Variants in CCDC40 observed in about 807,000 individuals in gnomAD.
CCDC40 encodes the protein coiled-coil domain 40 molecular ruler complex subunit.
In CCDC40, 104 loss-of-function variants were observed where a neutral mutation model predicts 124.5. The observed-to-expected ratio is 0.84, with a 90% CI of 0.71 to 0.98. CCDC40 has a LOEUF of 0.98. CCDC40 is among the 50% of genes least tolerant of loss of function. The pLI is 0.00. For synonymous variants in CCDC40, 580 were observed against 602.9 expected (o/e 0.96, Z 0.56); for missense variants, 1,463 against 1,503.9 (o/e 0.97, Z 0.45).
In CCDC40 at chr17:80,088,204, A is replaced by G. The variant is rs189081816; in HGVS notation, c.2711+102A>G. On this transcript the variant is annotated intron_variant, in intron 16 of 19. Coordinates refer to ENST00000397545, the MANE Select transcript of CCDC40 (RefSeq NM_017950.4). ...TAGGAGGCCAGGTGTGGCAGCTCACACCCATATCCCAGTGCTTTGGTCATT... is the reference window on the plus strand; with the variant it reads ...TAGGAGGCCAGGTGTGGCAGCTCACGCCCATATCCCAGTGCTTTGGTCATT... 1.4e-5 allele frequency: 11 copies of G among 784,516 alleles called. No individual in the cohort carries two copies. In the African/African-American group the frequency reaches 1.5e-4, roughly 11 times the overall value. The allele number at this position is 784,516 out of a possible 1,614,324, so 48.6% of individuals were successfully genotyped here. A position where few individuals can be genotyped will look rare whatever the true frequency, so the allele number is the denominator to read the frequency against.
chr17:80,067,453 G>A, intron 10 of CCDC40: 1 of 763,316 alleles, frequency 1.3e-6, no homozygotes, highest in Non-Finnish European at 2.2e-6. Context: ...TTGCTCCGTG[G>A]GAGCACACCA....
At chr17:80,083,201 C>T (rs1227697715) in intron 12 of CCDC40, among the ~76,000 whole-genome samples, 1 of 151,214 alleles carries the variant, frequency 6.6e-6, no homozygotes, top group Non-Finnish European at 1.5e-5. Context: ...AGCCATAGCC[C>T]CTGCAGGGCA....
intron 9 of CCDC40, among the ~76,000 whole-genome samples, chr17:80,060,752 A>C (rs957891130): frequency 3.9e-5 from 6 of 152,212 alleles, no homozygotes; most frequent in Non-Finnish European, 7.3e-5. Context: ...TAGACAGGCA[A>C]GACATTGAAG....
At chr17:80,062,702 C>T (rs976026123) in intron 9 of CCDC40, among the ~76,000 whole-genome samples, 1 of 152,122 alleles carries the variant, frequency 6.6e-6, no homozygotes, top group Admixed American at 6.6e-5. Flanking sequence ...ACCTCAGCCT[C>T]TCAAGTAGGT....
intron 12 of CCDC40, 98 bp downstream of exon 12, chr17:80,082,156 G>T: frequency 9.9e-7 from 1 of 1,013,534 alleles, no homozygotes; most frequent in South Asian, 1.3e-5. Context: ...GAGTCAGTGT[G>T]AGCAGAGGGC....
Position 80,066,593 on chromosome 17 carries a change from T to C in CCDC40, c.1562+987T>C, listed in dbSNP as rs1453906729. ...CAAGATGGTGAAACCCCGTCTCTACTAAAAATACAAAAATTAGCCAGGCAT... is the reference window on the plus strand; with the variant it reads ...CAAGATGGTGAAACCCCGTCTCTACCAAAAATACAAAAATTAGCCAGGCAT... On this transcript the variant is annotated intron_variant, in intron 10 of 19. Coordinates refer to ENST00000397545, the MANE Select transcript of CCDC40 (RefSeq NM_017950.4). This position sits in a 1 kb window ranked among gnomAD's most constrained non-coding sequence, Gnocchi z 4.4. The C allele has an allele frequency of 1.2e-5, 2 of 173,414 alleles. No homozygotes were observed. The highest frequency in any genetic ancestry group is 1.2e-4 in the Admixed American group (2 of 16,938). 10.7% of individuals were successfully genotyped at this position (173,414 alleles called of 1,614,324 possible). A position where few individuals can be genotyped will look rare whatever the true frequency, so the allele number is the denominator to read the frequency against.
At chr17:80,071,219 C>T (rs1169757432) in intron 10 of CCDC40, among the ~76,000 whole-genome samples, 1 of 152,214 alleles carries the variant, frequency 6.6e-6, no homozygotes, top group African/African-American at 2.4e-5. Context: ...GCCAAAAGCA[C>T]CCGTGCTCTT....
Position 80,077,050 on chromosome 17 carries a change from T to C in CCDC40, c.1563-4496T>C, listed in dbSNP as rs147547716. Among the ~76,000 whole-genome samples the C allele has an allele frequency of 1.8e-3, 268 of 152,184 alleles. 1 individual carries two copies. The highest frequency in any genetic ancestry group is 3.0e-3 in the Non-Finnish European group (202 of 67,996). ...CACGCCCAGCCTAAAGTAAGTACATTCTTTAGACATGATGCTATTGCACGC... is the reference window on the plus strand; with the variant it reads ...CACGCCCAGCCTAAAGTAAGTACATCCTTTAGACATGATGCTATTGCACGC... On this transcript the variant is annotated intron_variant, in intron 10 of 19. Coordinates refer to ENST00000397545, the MANE Select transcript of CCDC40 (RefSeq NM_017950.4).
Position 80,036,998 on chromosome 17 carries a change from C to T in CCDC40, c.29+307C>T, listed in dbSNP as rs967917466. On this transcript the variant is annotated intron_variant, in intron 1 of 19. Coordinates refer to ENST00000397545, the MANE Select transcript of CCDC40 (RefSeq NM_017950.4). ...CCGGGACCGCTCACTCTGCAGTCAC[C>T]ATGGCAACCACTCTGCGTGGCGGTC... is the stretch of plus-strand genomic sequence containing the variant. Among the ~76,000 whole-genome samples the T allele has an allele frequency of 4.0e-4, 61 of 152,318 alleles. 1 individual carries two copies. Among genetic ancestry groups the T allele is most frequent in the African/African-American group, 1.4e-3 (59 of 41,580 alleles).
At chr17:80,095,212 A>C (rs556796756) in intron 17 of CCDC40, 51 bp from the exon 18 acceptor site, 1 of 1,566,358 alleles carries the variant, frequency 6.4e-7, no homozygotes, top group East Asian at 2.2e-5. Flanking sequence ...CTCTCTCTGC[A>C]GCTGCAGCTC....
intron 13 of CCDC40, 142 bp from the exon 14 acceptor site, chr17:80,085,861 G>A (rs2038576004): frequency 4.1e-6 from 3 of 735,600 alleles, no homozygotes; most frequent in Non-Finnish European, 7.3e-6. Flanking sequence ...GTAGAGACGG[G>A]GTTTCACCCT....
intron 10 of CCDC40, among the ~76,000 whole-genome samples, chr17:80,072,793 G>A (rs997669396): frequency 3.3e-5 from 5 of 152,082 alleles, no homozygotes; most frequent in Non-Finnish European, 7.4e-5. Context: ...CCCTTGCACG[G>A]ATACATCAGA....
intron 17 of CCDC40, chr17:80,090,107 G>C (rs2038672175): frequency 2.6e-6 from 4 of 1,536,450 alleles, no homozygotes; most frequent in South Asian, 1.2e-5. Flanking sequence ...CCTTGACCCA[G>C]CTTTTACCAC....
At chr17:80,081,050 A>G (rs1171495212) in intron 10 of CCDC40, among the ~76,000 whole-genome samples, 1 of 152,142 alleles carries the variant, frequency 6.6e-6, no homozygotes. Flanking sequence ...GTGCCAATCT[A>G]TCCATAAAAA....
intron 5 of CCDC40, 116 bp downstream of exon 5, chr17:80,048,877 G>A (rs974709580): frequency 1.2e-5 from 11 of 929,702 alleles, no homozygotes; most frequent in Admixed American, 4.0e-5. Flanking sequence ...CTTGTATCTC[G>A]CCTGTTCACT....
rs573011276 is a variant in CCDC40 at position 80,040,022 on chromosome 17, T to C, written c.304T>C (p.Ser102Pro). 1.2e-6 allele frequency: 2 copies of C among 1,614,132 alleles called. No homozygotes were observed. Among genetic ancestry groups the C allele is most frequent in the South Asian group, 2.2e-5 (2 of 91,082 alleles). The change falls in exon 3 of 20, where the codon TCC becomes CCC. Residue 102 changes from serine to proline, a missense_variant. Physicochemically the swap from Ser to Pro is moderately conservative, Grantham distance 74. Transcript: ENST00000397545. ...EEEYYYTETS[S>P]PEGQISAADT... is the part of the protein sequence containing the mutation. ...GGAATATTACTATACAGAAACTTCA[T>C]CCCCGGAAGGGCAAATCAGTGCTGC...
chr17:80,043,754 G>A (rs1000951580), intron 3 of CCDC40, among the ~76,000 whole-genome samples: 2 of 151,598 alleles, frequency 1.3e-5, no homozygotes, highest in Non-Finnish European at 2.9e-5. Flanking sequence ...CCTGGGCTCA[G>A]TCAATCCTCC....
At chr17:80,097,551 CT>C (rs2038833295) in intron 19 of CCDC40, 148 bp downstream of exon 19, 3 of 718,094 alleles carry the variant, frequency 4.2e-6, no homozygotes, top group Admixed American at 2.6e-5. Flanking sequence ...GCACCACCGG[CT>C]GCTCACATGT....
At chr17:80,036,789 T>C (rs2143551514) in intron 1 of CCDC40, 98 bp downstream of exon 1, 2 of 1,171,866 alleles carry the variant, frequency 1.7e-6, no homozygotes, top group South Asian at 1.7e-5. Flanking sequence ...GCCTCGCCCC[T>C]TCGCCTCCAC....
Sources: gnomAD v4.1 joint callset for allele counts (sites outside exome capture counted in the v4.1 genomes callset) on GRCh38, gnomAD v4.1.1 for gene constraint, Gnocchi (gnomAD v3.1) non-coding constraint, MANE v1.5 for transcripts, NCBI Gene and HGNC (gene_info 2026-07-23, HGNC 2026-07-21) for gene names.